Variants in NF2 observed in about 807,000 individuals in gnomAD.
NF2 encodes the protein NF2, moesin-ezrin-radixin like (MERLIN) tumor suppressor.
In NF2, 8 loss-of-function variants were observed where a neutral mutation model predicts 83.7. The observed-to-expected ratio is 0.10, with a 90% CI of 0.06 to 0.17. The LOEUF (loss-of-function observed/expected upper bound fraction) is 0.17, where lower values mean the gene tolerates loss of function less well. Among genes scored for constraint, NF2 ranks in the 10% least tolerant of loss-of-function variants. The probability of loss-of-function intolerance (pLI) is 1.00; values close to 1 mark genes in which losing one functional copy is unlikely to be tolerated. For synonymous variants in NF2, 266 were observed against 269.6 expected (o/e 0.99, Z 0.13); for missense variants, 533 against 744.4 (o/e 0.72, Z 3.31).
intron 4 of NF2, among the ~76,000 whole-genome samples, chr22:29,642,804 T>C (rs2065848584): frequency 6.6e-6 from 1 of 152,166 alleles, no homozygotes; most frequent in South Asian, 2.1e-4. Flanking sequence ...GTGTGGACAC[T>C]ACACTACACC....
intron 8 of NF2, among the ~76,000 whole-genome samples, chr22:29,663,963 C>T (rs2066545385): frequency 6.6e-6 from 1 of 152,202 alleles, no homozygotes; most frequent in African/African-American, 2.4e-5. Flanking sequence ...TCATCTTTCT[C>T]TCCATTTTGA....
chr22:29,647,856 C>T (rs755544132), intron 4 of NF2, among the ~76,000 whole-genome samples: 8 of 151,942 alleles, frequency 5.3e-5, no homozygotes, highest in Non-Finnish European at 1.2e-4. Flanking sequence ...CCACTTTTTC[C>T]TTATTATCTA....
intron 15 of NF2, among the ~76,000 whole-genome samples, chr22:29,687,941 G>T (rs1165077593): frequency 6.6e-6 from 1 of 152,188 alleles, no homozygotes; most frequent in Non-Finnish European, 1.5e-5. Context: ...AAGGCATTAG[G>T]AACTGCAGGC....
At chr22:29,683,543 AG>A (rs948840711) in intron 15 of NF2, 1 of 1,116,120 alleles carries the variant, frequency 9.0e-7, no homozygotes, top group African/African-American at 1.6e-5. Flanking sequence ...GTGGGGCAAA[AG>A]GGTTGCTTGT....
chr22:29,684,851 C>G (rs1318054329), intron 15 of NF2, among the ~76,000 whole-genome samples: 1 of 152,024 alleles, frequency 6.6e-6, no homozygotes, highest in Non-Finnish European at 1.5e-5. Flanking sequence ...TAGACTTTGG[C>G]AGTGCCTGTG....
intron 14 of NF2, among the ~76,000 whole-genome samples, chr22:29,680,700 T>A (rs1237187223): frequency 6.6e-6 from 1 of 152,202 alleles, no homozygotes; most frequent in Non-Finnish European, 1.5e-5. Flanking sequence ...TGAGCTTCTG[T>A]CATCTTTAGA....
intron 13 of NF2, among the ~76,000 whole-genome samples, chr22:29,675,440 C>G (rs369705076): frequency 6.6e-6 from 1 of 151,932 alleles, no homozygotes; most frequent in Non-Finnish European, 1.5e-5. Flanking sequence ...TGAATAGAAG[C>G]CTCTTTCCTT....
intron 1 of NF2, among the ~76,000 whole-genome samples, chr22:29,624,849 CTT>C (rs2065314092): frequency 3.5e-5 from 5 of 142,728 alleles, no homozygotes; most frequent in Admixed American, 6.9e-5. Context: ...TTCTTTCTTT[CTT>C]TCTTTCTTTC....
intron 15 of NF2, chr22:29,683,351 A>G: frequency 1.4e-6 from 2 of 1,387,140 alleles, no homozygotes; most frequent in Non-Finnish European, 1.9e-6. Context: ...GGGCTGGGGA[A>G]GGTTATGGCT....
intron 7 of NF2, among the ~76,000 whole-genome samples, chr22:29,659,051 G>A (rs1471031473): frequency 2.0e-5 from 3 of 152,116 alleles, no homozygotes; most frequent in East Asian, 1.9e-4. Context: ...AAATATTCTA[G>A]GATAGCTTTC....
At chr22:29,604,303 G>T (rs1318413786) in intron 1 of NF2, among the ~76,000 whole-genome samples, 191 bp downstream of exon 1, 1 of 152,184 alleles carries the variant, frequency 6.6e-6, no homozygotes, top group Non-Finnish European at 1.5e-5. Context: ...TTTCCTGAAG[G>T]TTATTTTCAT....
At chr22:29,632,139 T>C (rs1335076540) in intron 1 of NF2, among the ~76,000 whole-genome samples, 1 of 152,242 alleles carries the variant, frequency 6.6e-6, no homozygotes, top group South Asian at 2.1e-4. Context: ...TTTATGTATT[T>C]ATTTTTATTT....
Position 29,678,218 on chromosome 22 carries a change from C to T in NF2, c.1469C>T (p.Pro490Leu), listed in dbSNP as rs765100922. Residue 490 changes from proline (P) to leucine (L), a missense_variant, in exon 14 of 16, where the codon CCG (proline) becomes CTG (leucine). Pro to Leu is a moderately conservative substitution (Grantham distance 98). Coordinates refer to ENST00000338641, the MANE Select transcript of NF2 (RefSeq NM_000268.4). The part of the protein sequence containing the change: ...TYPPMNPIPA[P>L]LPPDIPSFNL... The stretch of plus-strand genomic sequence containing the variant: ...CAGCCCATGAACCCAATTCCAGCAC[C>T]GTTGCCTCCTGACATACCAAGCTTC... 8.1e-6 allele frequency: 13 copies of T among 1,614,014 alleles called. No homozygotes were observed. Among genetic ancestry groups the T allele is most frequent in the Non-Finnish European group, 8.5e-6 (10 of 1,180,002 alleles).
intron 9 of NF2, among the ~76,000 whole-genome samples, chr22:29,665,271 C>T (rs1017921557): frequency 6.0e-5 from 9 of 150,632 alleles, no homozygotes; most frequent in South Asian, 2.1e-4. Flanking sequence ...GACAGAGTCT[C>T]GCTCTGTCGC....
At chr22:29,684,051 C>A in intron 15 of NF2, 1 of 420,570 alleles carries the variant, frequency 2.4e-6, no homozygotes, top group Non-Finnish European at 3.3e-6. Flanking sequence ...ACCTTTCTAA[C>A]AAAAAGAGAT....
At chr22:29,664,756 A>G (rs553717220) in intron 8 of NF2, among the ~76,000 whole-genome samples, 1 of 152,270 alleles carries the variant, frequency 6.6e-6, no homozygotes, top group South Asian at 2.1e-4. Context: ...ATCCCTTCCC[A>G]CACTCATGCC....
chr22:29,604,158 A>C, intron 1 of NF2, 46 bp downstream of exon 1: 4 of 1,449,774 alleles, frequency 2.8e-6, no homozygotes, highest in Non-Finnish European at 3.8e-6. Context: ...GTCGAGGTGG[A>C]AGCTCGAGAG....
chr22:29,676,890 G>GC (rs750976434), intron 13 of NF2, among the ~76,000 whole-genome samples: 47 of 128,874 alleles, frequency 3.6e-4, no homozygotes, highest in African/African-American at 8.2e-4. Context: ...ATAGAGAAGT[G>GC]CCCAAATTAC....
chr22:29,640,011 A>G (rs1307978133), intron 3 of NF2, among the ~76,000 whole-genome samples: 4 of 151,282 alleles, frequency 2.6e-5, no homozygotes, highest in Admixed American at 2.6e-4. Flanking sequence ...CCTGACCAAC[A>G]TGGTGAAACT....
Sources: gnomAD v4.1 joint callset for allele counts (sites outside exome capture counted in the v4.1 genomes callset) on GRCh38, gnomAD v4.1.1 for gene constraint, MANE v1.5 for transcripts, NCBI Gene and HGNC (gene_info 2026-07-23, HGNC 2026-07-21) for gene names.